The following TRPC7 variants were observed in gnomAD, a reference collection of about 807,000 sequenced individuals.
The protein encoded by TRPC7 is short transient receptor potential channel 7.
A neutral mutation model predicts 90.1 loss-of-function variants in TRPC7; 42 were observed. That is an observed-to-expected ratio of 0.47 (90% CI 0.36 to 0.60). TRPC7 has a LOEUF of 0.60. Among genes scored for constraint, TRPC7 ranks in the 20% least tolerant of loss-of-function variants. The pLI is 0.00. For missense variants in TRPC7, 955 were observed against 1,112.3 expected (o/e 0.86, Z 2.01); for synonymous variants, 451 against 436.3 (o/e 1.03, Z -0.42).
intron 5 of TRPC7, among the ~76,000 whole-genome samples, chr5:136,261,026 G>C (rs1458630298): frequency 1.3e-5 from 2 of 152,180 alleles, no homozygotes; most frequent in Non-Finnish European, 2.9e-5. Context: ...AGGCCTTCTT[G>C]GAGGTGCCTA....
intron 2 of TRPC7, among the ~76,000 whole-genome samples, chr5:136,323,938 A>G (rs1429976476): frequency 2.6e-5 from 4 of 152,232 alleles, no homozygotes; most frequent in South Asian, 4.2e-4. Flanking sequence ...AATTCTCCAA[A>G]CCACAAAGAT....
intron 10 of TRPC7, among the ~76,000 whole-genome samples, chr5:136,222,735 G>A (rs970718074): frequency 1.3e-5 from 2 of 152,218 alleles, no homozygotes; most frequent in African/African-American, 2.4e-5. Context: ...GCAAAACTAC[G>A]AAGATAAATA....
intron 2 of TRPC7, among the ~76,000 whole-genome samples, chr5:136,350,879 C>T (rs1466760777): frequency 6.6e-6 from 1 of 152,160 alleles, no homozygotes; most frequent in African/African-American, 2.4e-5. Context: ...GACACAGATC[C>T]CTGAGGAGAT....
At chr5:136,299,322 CTCTG>C in intron 3 of TRPC7, among the ~76,000 whole-genome samples, 1 of 136,168 alleles carries the variant, frequency 7.3e-6, no homozygotes, top group South Asian at 2.3e-4. Context: ...AAAGAAATTT[CTCTG>C]ACTGGGGTGT....
chr5:136,233,983 G>T (rs1261279667), intron 7 of TRPC7, among the ~76,000 whole-genome samples: 1 of 152,166 alleles, frequency 6.6e-6, no homozygotes, highest in Non-Finnish European at 1.5e-5. Context: ...GTTCCAGCAA[G>T]GTAATATTTA....
chr5:136,272,475 C>G (rs1757238685), intron 4 of TRPC7, among the ~76,000 whole-genome samples: 2 of 152,240 alleles, frequency 1.3e-5, no homozygotes, highest in South Asian at 4.1e-4. Context: ...CTTTGGCTGC[C>G]TCAGAGCAAG....
At chr5:136,359,574 G>A (rs997042069) in intron 1 of TRPC7, among the ~76,000 whole-genome samples, 2 of 152,144 alleles carry the variant, frequency 1.3e-5, no homozygotes, top group African/African-American at 4.8e-5. Flanking sequence ...TGGTACCAAA[G>A]GCAGACTGTG....
chr5:136,320,400 GC>G (rs547762588), intron 2 of TRPC7, among the ~76,000 whole-genome samples: 6 of 152,258 alleles, frequency 3.9e-5, no homozygotes, highest in Admixed American at 3.3e-4. Flanking sequence ...ATTCCACCAG[GC>G]AGAGGAATAC....
At chr5:136,244,002 T>A (rs2149802430) in intron 7 of TRPC7, among the ~76,000 whole-genome samples, 1 of 152,232 alleles carries the variant, frequency 6.6e-6, no homozygotes, top group African/African-American at 2.4e-5. Context: ...CCCATCACTC[T>A]TCCTAATCCC....
At chr5:136,316,718 T>C (rs1759037310) in intron 2 of TRPC7, among the ~76,000 whole-genome samples, 1 of 152,240 alleles carries the variant, frequency 6.6e-6, no homozygotes, top group Non-Finnish European at 1.5e-5. Context: ...GGACAAAGAA[T>C]GTTTGAGGTT....
At chr5:136,299,097 T>A (rs1758282203) in intron 3 of TRPC7, among the ~76,000 whole-genome samples, 1 of 150,994 alleles carries the variant, frequency 6.6e-6, no homozygotes, top group South Asian at 2.1e-4. Flanking sequence ...AGGTTGGGAG[T>A]TCGAGACCAG....
chr5:136,317,586 TC>T (rs1464626493), intron 2 of TRPC7, among the ~76,000 whole-genome samples: 1 of 152,174 alleles, frequency 6.6e-6, no homozygotes, highest in Non-Finnish European at 1.5e-5. Flanking sequence ...CCCATTCAAC[TC>T]TGGCATCTCC....
chr5:136,310,574 AG>A (rs11321753), intron 3 of TRPC7, among the ~76,000 whole-genome samples: 3,921 of 152,198 alleles, frequency 0.026, 173 homozygotes, highest in African/African-American at 0.09. Context: ...GCTCTTGAGG[AG>A]GGTGGAGATC....
intron 3 of TRPC7, among the ~76,000 whole-genome samples, chr5:136,300,175 T>A (rs943870232): frequency 6.6e-6 from 1 of 152,266 alleles, no homozygotes; most frequent in Non-Finnish European, 1.5e-5. Flanking sequence ...TTTGAGGATC[T>A]GAAATATCTT....
At chr5:136,344,859 A>G (rs1339958668) in intron 2 of TRPC7, among the ~76,000 whole-genome samples, 1 of 152,206 alleles carries the variant, frequency 6.6e-6, no homozygotes, top group Non-Finnish European at 1.5e-5. Context: ...TGCAGGAAAT[A>G]GAGTAGTAGG....
At chr5:136,271,513 G>A (rs1302979283) in intron 4 of TRPC7, among the ~76,000 whole-genome samples, 1 of 152,200 alleles carries the variant, frequency 6.6e-6, no homozygotes, top group Non-Finnish European at 1.5e-5. Flanking sequence ...AGCAAAGGAT[G>A]GAAACAGCTT....
chr5:136,288,894 G>A (rs1046062244), intron 3 of TRPC7, among the ~76,000 whole-genome samples: 4 of 152,164 alleles, frequency 2.6e-5, no homozygotes, highest in African/African-American at 9.7e-5. Context: ...TCTGGGCAGT[G>A]GTTTATTATC....
At chr5:136,220,603 T>C (rs569290249) in intron 10 of TRPC7, among the ~76,000 whole-genome samples, 1 of 152,362 alleles carries the variant, frequency 6.6e-6, no homozygotes, top group South Asian at 2.1e-4. Context: ...ATCAAGACAA[T>C]ACGTGCACAG....
intron 5 of TRPC7, among the ~76,000 whole-genome samples, chr5:136,259,382 C>A (rs975366623): frequency 2.0e-5 from 3 of 152,216 alleles, no homozygotes; most frequent in Non-Finnish European, 4.4e-5. Flanking sequence ...TTGAGCTCCA[C>A]CTTTGTGCCA....
Sources: gnomAD v4.1 joint callset for allele counts (sites outside exome capture counted in the v4.1 genomes callset) on GRCh38, gnomAD v4.1.1 for gene constraint, MANE v1.5 for transcripts, NCBI Gene and HGNC (gene_info 2026-07-23, HGNC 2026-07-21) for gene names.